CAST: variants seen among roughly 807,000 people sequenced by gnomAD.
The protein encoded by CAST is MIR583 host.
A neutral mutation model predicts 119.6 loss-of-function variants in CAST; 76 were observed. The ratio of observed to expected loss-of-function variants is 0.64; its 90% confidence interval spans 0.53 to 0.77. The LOEUF (loss-of-function observed/expected upper bound fraction) is 0.77, where lower values mean the gene tolerates loss of function less well. Among genes scored for constraint, CAST ranks in the 30% least tolerant of loss-of-function variants. CAST has a pLI of 0.00. For synonymous variants in CAST, 319 were observed against 331.6 expected, an observed-to-expected ratio of 0.96 and a Z score of 0.41; for missense variants, 953 against 946.5, an observed-to-expected ratio of 1.01 and a Z score of -0.09.
At chr5:96,271,594 A>G in the CAST span, among the ~76,000 whole-genome samples, 1 of 152,128 alleles carries the variant, frequency 6.6e-6, no homozygotes, top group Non-Finnish European at 1.5e-5. Context: ...ATGTACAAAA[A>G]TCAAATAAAA....
At chr5:96,649,950 G>C (rs1748071479) in intron 1 of CAST, among the ~76,000 whole-genome samples, 1 of 152,144 alleles carries the variant, frequency 6.6e-6, no homozygotes, top group African/African-American at 2.4e-5. Context: ...TATTCTAAAA[G>C]TTTTACTTGG....
chr5:96,521,548 G>A (rs927499153), upstream of CAST, among the ~76,000 whole-genome samples: 3 of 152,238 alleles, frequency 2.0e-5, no homozygotes, highest in Admixed American at 6.5e-5. Flanking sequence ...CATGTCACAT[G>A]TTCCCCATAA....
the CAST span, among the ~76,000 whole-genome samples, chr5:96,080,156 T>C: frequency 6.6e-6 from 1 of 152,162 alleles, no homozygotes; most frequent in Non-Finnish European, 1.5e-5. Context: ...GTACCTCAGT[T>C]TTCTTATCTG....
At chr5:96,502,395 T>C in the CAST span, among the ~76,000 whole-genome samples, 1 of 152,124 alleles carries the variant, frequency 6.6e-6, no homozygotes, top group African/African-American at 2.4e-5. Context: ...ACTGAGTTCA[T>C]AGCAGTATTT....
the CAST span, chr5:96,412,606 T>G: frequency 1.1e-6 from 1 of 947,028 alleles, no homozygotes; most frequent in Non-Finnish European, 1.6e-6. Flanking sequence ...AAAAACCAGG[T>G]AACTACTAGA....
chr5:95,978,221 C>T, the CAST span, among the ~76,000 whole-genome samples: 1 of 152,184 alleles, frequency 6.6e-6, no homozygotes, highest in Non-Finnish European at 1.5e-5. Context: ...GAGGAATCTC[C>T]ACACTGCTTT....
chr5:96,488,465 T>C, the CAST span, among the ~76,000 whole-genome samples: 43 of 152,362 alleles, frequency 2.8e-4, 1 homozygote, highest in African/African-American at 1.0e-3. Context: ...TGTCAAAAAA[T>C]GCAAAACTTC....
the CAST span, among the ~76,000 whole-genome samples, chr5:96,257,139 C>T: frequency 6.6e-6 from 1 of 152,162 alleles, no homozygotes; most frequent in East Asian, 1.9e-4. Flanking sequence ...GGCTGTTTCT[C>T]CCTGTGCTTA....
At chr5:96,123,780 T>G in the CAST span, among the ~76,000 whole-genome samples, 3 of 152,286 alleles carry the variant, frequency 2.0e-5, no homozygotes, top group Non-Finnish European at 2.9e-5. Context: ...AGTGGGAGAA[T>G]TGAGAACTGA....
the CAST span, among the ~76,000 whole-genome samples, chr5:96,402,968 T>C: frequency 2.6e-5 from 4 of 152,156 alleles, no homozygotes; most frequent in Non-Finnish European, 5.9e-5. Context: ...AAAGGAGTTT[T>C]AGGTAAAAGC....
the CAST span, among the ~76,000 whole-genome samples, chr5:95,979,287 G>T: frequency 6.6e-6 from 1 of 152,006 alleles, no homozygotes; most frequent in Non-Finnish European, 1.5e-5. Flanking sequence ...TTAAAATTGG[G>T]GTCATGCTAC....
chr5:96,035,217 G>GTACA, the CAST span, among the ~76,000 whole-genome samples: 1 of 143,876 alleles, frequency 7.0e-6, no homozygotes, highest in Non-Finnish European at 1.5e-5. Context: ...ATATATTTAA[G>GTACA]TATATATATA....
the CAST span, among the ~76,000 whole-genome samples, chr5:96,331,949 T>C: frequency 6.6e-6 from 1 of 152,230 alleles, no homozygotes; most frequent in African/African-American, 2.4e-5. Context: ...AACATGTCAT[T>C]GGCAGAAGGT....
intron 1 of CAST, among the ~76,000 whole-genome samples, chr5:96,612,167 C>T (rs151015746): frequency 5.3e-5 from 8 of 152,208 alleles, no homozygotes; most frequent in African/African-American, 1.9e-4. Context: ...GCACTATTCA[C>T]AATAGCAAAG....
At chr5:96,293,506 G>C in the CAST span, among the ~76,000 whole-genome samples, 1 of 151,890 alleles carries the variant, frequency 6.6e-6, no homozygotes, top group Admixed American at 6.6e-5. Flanking sequence ...TTGAACTCCT[G>C]ACCTTGTGAT....
intron 1 of CAST, among the ~76,000 whole-genome samples, chr5:96,648,823 T>C (rs1460539241): frequency 3.3e-5 from 5 of 152,088 alleles, no homozygotes; most frequent in African/African-American, 1.2e-4. Context: ...GAATTGATTC[T>C]GAAGCCCTAG....
intron 1 of CAST, among the ~76,000 whole-genome samples, chr5:96,616,729 G>GCC: frequency 7.2e-6 from 1 of 138,496 alleles, no homozygotes; most frequent in South Asian, 2.4e-4. Flanking sequence ...GCGCTCGCTC[G>GCC]CTCTCTCTCT....
chr5:96,241,133 A>G, the CAST span, among the ~76,000 whole-genome samples: 1 of 151,768 alleles, frequency 6.6e-6, no homozygotes, highest in Non-Finnish European at 1.5e-5. Flanking sequence ...ACATATGTAT[A>G]CATGTGCCAT....
chr5:96,113,702 G>A, the CAST span, among the ~76,000 whole-genome samples: 1 of 152,224 alleles, frequency 6.6e-6, no homozygotes, highest in Admixed American at 6.5e-5. Context: ...CTCTTTCCTT[G>A]CAGGAGTGCC....
Sources: gnomAD v4.1 joint callset for allele counts (sites outside exome capture counted in the v4.1 genomes callset) on GRCh38, gnomAD v4.1.1 for gene constraint, MANE v1.5 for transcripts, NCBI Gene and HGNC (gene_info 2026-07-23, HGNC 2026-07-21) for gene names.